CLIC5: variants seen among roughly 807,000 people sequenced by gnomAD.
CLIC5 encodes CLIC family member 5.
A neutral mutation model predicts 24.7 loss-of-function variants in CLIC5; 20 were observed. The observed-to-expected ratio is 0.81, with a 90% CI of 0.57 to 1.18. The LOEUF (loss-of-function observed/expected upper bound fraction) is 1.18. Among genes scored for constraint, CLIC5 ranks in the 50% most tolerant of loss-of-function variants. CLIC5 has a pLI of 0.00. For synonymous variants in CLIC5, 159 were observed against 135.6 expected (o/e 1.17, Z -1.20); for missense variants, 341 against 326.1 (o/e 1.05, Z -0.35).
At chr6:46,034,184 A>G (rs1389571791) in intron 1 of CLIC5, among the ~76,000 whole-genome samples, 1 of 152,158 alleles carries the variant, frequency 6.6e-6, no homozygotes, top group Non-Finnish European at 1.5e-5. Context: ...TGCATGTGGG[A>G]GCTACTGAAG....
the CLIC5 span, among the ~76,000 whole-genome samples, chr6:46,101,417 C>T: frequency 1.3e-5 from 2 of 152,180 alleles, no homozygotes; most frequent in African/African-American, 4.8e-5. Context: ...ATTTGTGATT[C>T]TAGAATTGGG....
At chr6:45,948,392 G>T (rs1012500189) in intron 3 of CLIC5, among the ~76,000 whole-genome samples, 1 of 152,002 alleles carries the variant, frequency 6.6e-6, no homozygotes. Context: ...CAGCTTCATG[G>T]TCCTCTAGGA....
chr6:46,079,438 T>C (rs886551627), intron 1 of CLIC5, among the ~76,000 whole-genome samples: 2 of 152,370 alleles, frequency 1.3e-5, no homozygotes, highest in Middle Eastern at 3.4e-3. Flanking sequence ...GGCTCACTTA[T>C]GTGAACCGTT....
intron 6 of CLIC5, among the ~76,000 whole-genome samples, chr6:45,882,407 C>A (rs1762271588): frequency 6.6e-6 from 1 of 152,240 alleles, no homozygotes; most frequent in African/African-American, 2.4e-5. Context: ...TGGCCACCAC[C>A]CTTGAAAACC....
At chr6:46,063,352 T>C (rs959599039) in intron 1 of CLIC5, among the ~76,000 whole-genome samples, 1 of 152,198 alleles carries the variant, frequency 6.6e-6, no homozygotes, top group African/African-American at 2.4e-5. Context: ...AGATTTACCC[T>C]TAACAAATAC....
At chr6:46,024,015 G>C (rs1049791646) in intron 1 of CLIC5, among the ~76,000 whole-genome samples, 22 of 152,100 alleles carry the variant, frequency 1.4e-4, no homozygotes, top group Non-Finnish European at 2.1e-4. Flanking sequence ...ACTCAAAAAA[G>C]GGAATAGCAT....
chr6:45,992,524 C>A (rs1036706739), intron 1 of CLIC5, among the ~76,000 whole-genome samples: 1 of 152,170 alleles, frequency 6.6e-6, no homozygotes, highest in Non-Finnish European at 1.5e-5. Flanking sequence ...CAGTCCTGCC[C>A]CACTGTGAAT....
At chr6:45,964,285 C>A (rs967479242) in intron 1 of CLIC5, among the ~76,000 whole-genome samples, 1 of 152,150 alleles carries the variant, frequency 6.6e-6, no homozygotes, top group East Asian at 1.9e-4. Flanking sequence ...GTTCAAATTC[C>A]TCCCCTGACA....
chr6:45,893,329 A>G (rs1381914923), intron 6 of CLIC5, among the ~76,000 whole-genome samples: 1 of 152,076 alleles, frequency 6.6e-6, no homozygotes, highest in Non-Finnish European at 1.5e-5. Context: ...AAGAAGAAAG[A>G]CTGAAGACCA....
chr6:45,979,566 T>C (rs1765498743), intron 1 of CLIC5, among the ~76,000 whole-genome samples: 2 of 152,232 alleles, frequency 1.3e-5, no homozygotes, highest in Non-Finnish European at 2.9e-5. Flanking sequence ...AGATTAGATA[T>C]TCCTACTGCA....
the CLIC5 span, among the ~76,000 whole-genome samples, chr6:46,094,267 G>A: frequency 6.6e-5 from 10 of 152,134 alleles, no homozygotes; most frequent in Non-Finnish European, 1.2e-4. Flanking sequence ...TGGCTCCTTC[G>A]AAATCTCATA....
intron 1 of CLIC5, among the ~76,000 whole-genome samples, chr6:46,057,562 G>A (rs1368994368): frequency 6.6e-6 from 1 of 152,144 alleles, no homozygotes; most frequent in Non-Finnish European, 1.5e-5. Context: ...ATGTACTTAA[G>A]TCTATTCTGC....
At chr6:46,128,079 C>T in the CLIC5 span, among the ~76,000 whole-genome samples, 1 of 152,176 alleles carries the variant, frequency 6.6e-6, no homozygotes, top group Non-Finnish European at 1.5e-5. Flanking sequence ...GATAAATATC[C>T]TTACTATAAC....
chr6:46,075,532 C>T (rs531339202), intron 1 of CLIC5, among the ~76,000 whole-genome samples: 14 of 152,310 alleles, frequency 9.2e-5, no homozygotes, highest in South Asian at 4.1e-4. Context: ...CTGCAATGAG[C>T]TGTGTTTGCA....
intron 5 of CLIC5, among the ~76,000 whole-genome samples, chr6:45,904,767 G>C (rs748330199): frequency 1.4e-4 from 21 of 148,498 alleles, no homozygotes; most frequent in Admixed American, 6.8e-5. Flanking sequence ...GGATACAAGG[G>C]GGTACATGTG....
At chr6:46,100,468 G>T in the CLIC5 span, among the ~76,000 whole-genome samples, 1 of 152,088 alleles carries the variant, frequency 6.6e-6, no homozygotes, top group Non-Finnish European at 1.5e-5. Flanking sequence ...GGCTGATGAC[G>T]CTGTCCGCAT....
intron 4 of CLIC5, among the ~76,000 whole-genome samples, chr6:45,927,928 G>A (rs1253293547): frequency 3.9e-5 from 6 of 152,192 alleles, no homozygotes; most frequent in Middle Eastern, 3.4e-3. Context: ...AAACCCCCAC[G>A]GGATTCAAAT....
intron 1 of CLIC5, among the ~76,000 whole-genome samples, chr6:46,012,646 A>G (rs1766847294): frequency 1.3e-5 from 2 of 152,246 alleles, no homozygotes; most frequent in Admixed American, 6.5e-5. Flanking sequence ...AGAAATTCAA[A>G]GTCTAAACTG....
intron 1 of CLIC5, among the ~76,000 whole-genome samples, chr6:45,964,740 T>G (rs1764962689): frequency 1.3e-5 from 2 of 152,176 alleles, no homozygotes; most frequent in African/African-American, 4.8e-5. Context: ...TGAAGTAAAA[T>G]TAGCCATTCT....
Sources: allele counts gnomAD v4.1 joint callset (sites outside exome capture counted in the v4.1 genomes callset), GRCh38; gene constraint gnomAD v4.1.1; transcripts MANE v1.5; gene names NCBI Gene and HGNC (gene_info 2026-07-23, HGNC 2026-07-21).